The following PARVG variants were observed in gnomAD, a reference collection of about 807,000 sequenced individuals.
PARVG encodes the protein gamma-parvin.
In PARVG, 36 loss-of-function variants were observed where a neutral mutation model predicts 44.4. The ratio of observed to expected loss-of-function variants is 0.81; its 90% CI spans 0.62 to 1.07. PARVG has a LOEUF of 1.07. PARVG is among the 50% of genes least tolerant of loss of function. PARVG has a pLI of 0.00. For missense variants in PARVG, 407 were observed against 407.4 expected, an observed-to-expected ratio of 1.00 and a Z score of 0.01; for synonymous variants, 170 against 174.1, an observed-to-expected ratio of 0.98 and a Z score of 0.19.
At chr22:44,181,657 G>C in intron 1 of PARVG, 85 bp from the exon 2 acceptor site, 1 of 959,862 alleles carries the variant, frequency 1.0e-6, no homozygotes, top group Non-Finnish European at 1.2e-6. Flanking sequence ...CGGCACGGCG[G>C]GCGCTGGGGC....
intron 12 of PARVG, among the ~76,000 whole-genome samples, chr22:44,204,120 C>G (rs1409634169): frequency 6.6e-6 from 1 of 152,204 alleles, no homozygotes; most frequent in East Asian, 1.9e-4. Context: ...GCTGGGATTA[C>G]AGGAATGAGC....
At chr22:44,193,593 G>A (rs1019491632) in intron 8 of PARVG, among the ~76,000 whole-genome samples, 2 of 152,204 alleles carry the variant, frequency 1.3e-5, no homozygotes, top group African/African-American at 4.8e-5. Flanking sequence ...GGAAGCCTCA[G>A]GGAAGGGCAT....
intron 4 of PARVG, 44 bp from the exon 5 acceptor site, chr22:44,187,732 A>G (rs1328272195): frequency 6.3e-7 from 1 of 1,586,090 alleles, no homozygotes; most frequent in Non-Finnish European, 8.7e-7. Flanking sequence ...GGGCCAGGTG[A>G]GAAGTCTCCA....
rs1333684394 is a variant in PARVG at position 44,182,019 on chromosome 22, A to G, written c.-13+102A>G. On this transcript the variant is annotated intron_variant, in intron 2 of 13. Coordinates refer to ENST00000444313, the MANE Select transcript of PARVG (RefSeq NM_022141.7). This position sits in a 1 kb window ranked among gnomAD's most constrained non-coding sequence, Gnocchi z 4.6. The stretch of plus-strand genomic sequence containing the variant: ...GGATCCCAGAGTGCAGTCCCAGCCC[A>G]GGCCACCCGGGGAAGGGAGTCGGTA... 1.1e-5 allele frequency: 10 copies of G among 929,730 alleles called. No homozygotes were observed. The highest frequency in any genetic ancestry group is 1.8e-5 in the African/African-American group (1 of 56,006). The allele number at this position is 929,730 out of a possible 1,614,324, so 57.6% of individuals were successfully genotyped here. A position where few individuals can be genotyped will look rare whatever the true frequency, so the allele number is the denominator to read the frequency against.
upstream of PARVG, among the ~76,000 whole-genome samples, chr22:44,177,208 A>G (rs920574789): frequency 5.9e-5 from 9 of 152,190 alleles, no homozygotes; most frequent in Non-Finnish European, 7.3e-5. Context: ...ATTTCTTTAG[A>G]CGCACACATT....
chr22:44,188,022 T>G (rs2054498500), intron 5 of PARVG, 144 bp downstream of exon 5: 3 of 839,582 alleles, frequency 3.6e-6, no homozygotes, highest in African/African-American at 3.4e-5. Context: ...TAGATGGGCC[T>G]GGGCTGGGGA....
At chr22:44,183,080 T>G (rs2054407712) in intron 2 of PARVG, 1 of 512,900 alleles carries the variant, frequency 1.9e-6, no homozygotes, top group Admixed American at 4.0e-5. Context: ...GCCAAGCCTT[T>G]GCTTGGCTGT....
chr22:44,204,222 A>T (rs1011634858), intron 12 of PARVG, among the ~76,000 whole-genome samples: 2 of 151,954 alleles, frequency 1.3e-5, no homozygotes, highest in Non-Finnish European at 1.5e-5. Context: ...ACTCCTTTCC[A>T]TCTGGGACCC....
rs2054396347 is a variant in PARVG at position 44,182,424 on chromosome 22, G to A, written c.-13+507G>A. ...TATTAAGGGGCTGGGAGTCAGTTGTGTCCCCACCACCTCCATGCTACAGGG... is the reference window on the plus strand; with the variant it reads ...TATTAAGGGGCTGGGAGTCAGTTGTATCCCCACCACCTCCATGCTACAGGG... On this transcript the variant is annotated intron_variant, in intron 2 of 13. Transcript: ENST00000444313. This position sits in a 1 kb window ranked among gnomAD's most constrained non-coding sequence, Gnocchi z 4.6. Among the ~76,000 whole-genome samples the A allele has an allele frequency of 6.6e-6, 1 of 152,084 alleles. No homozygotes were observed. The highest frequency in any genetic ancestry group is 2.4e-5 in the African/African-American group (1 of 41,414).
rs1377053001 is a variant in PARVG, at chr22:44,182,767, TG to T, written c.-12-549del. On this transcript the variant is annotated intron_variant, in intron 2 of 13. Coordinates refer to ENST00000444313, the MANE Select transcript of PARVG (RefSeq NM_022141.7). The surrounding 1 kb of genome is among the most constrained non-coding windows in gnomAD (Gnocchi z 4.6). ...TGGGTCTGCCCCTGTCCCGGGCATG[TG>T]GTGAGCCCAGCCTTCTGCCTGTAAT... is the stretch of plus-strand genomic sequence containing the variant. Among the ~76,000 whole-genome samples the T allele has an allele frequency of 6.6e-6, 1 of 152,138 alleles. No homozygotes were observed. The highest frequency in any genetic ancestry group is 2.4e-5 in the African/African-American group (1 of 41,458).
chr22:44,190,666 G>A lies in PARVG; in HGVS notation c.504G>A (p.Glu168=), dbSNP rs2054535947. The A allele has an allele frequency of 1.2e-6, 2 of 1,607,236 alleles. No individual in the cohort carries two copies. Among genetic ancestry groups the A allele is most frequent in the East Asian group, 4.5e-5 (2 of 44,854 alleles). The change falls in exon 7 of 14, where the codon GAG becomes GAA. Residue 168 remains glutamate, a splice_region_variant and synonymous_variant. Coordinates refer to ENST00000444313, the MANE Select transcript of PARVG (RefSeq NM_022141.7). The part of the protein sequence containing the change: ...TNVQVEVITI[E]STKSGLKSEK... ...TCCAGGTGGAGGTCATCACTATCGAGGTAGCAGCCTGGGCCCCAGGGATTT... is the reference window on the plus strand; with the variant it reads ...TCCAGGTGGAGGTCATCACTATCGAAGTAGCAGCCTGGGCCCCAGGGATTT...
intron 12 of PARVG, among the ~76,000 whole-genome samples, chr22:44,200,344 T>C (rs2054690082): frequency 6.6e-6 from 1 of 152,222 alleles, no homozygotes; most frequent in African/African-American, 2.4e-5. Flanking sequence ...GCTCCCTGCC[T>C]GCCTGGACCT....
intron 12 of PARVG, among the ~76,000 whole-genome samples, chr22:44,205,173 C>T (rs928465232): frequency 2.6e-5 from 4 of 152,210 alleles, no homozygotes; most frequent in Non-Finnish European, 4.4e-5. Flanking sequence ...GGGTGGGGAC[C>T]GCTCCAGTCT....
intron 8 of PARVG, among the ~76,000 whole-genome samples, chr22:44,193,425 T>G (rs2054576319): frequency 6.6e-6 from 1 of 152,008 alleles, no homozygotes; most frequent in Non-Finnish European, 1.5e-5. Flanking sequence ...GCTGGGAGGT[T>G]CTGCAGCATG....
At chr22:44,199,984 A>G (rs1333832169) in intron 12 of PARVG, among the ~76,000 whole-genome samples, 1 of 152,086 alleles carries the variant, frequency 6.6e-6, no homozygotes, top group East Asian at 1.9e-4. Context: ...AAGAGGGATG[A>G]AGAGAGTGAT....
chr22:44,183,645 T>C (rs2147219233), intron 3 of PARVG: 1 of 482,786 alleles, frequency 2.1e-6, no homozygotes. Context: ...TGGTGAATAC[T>C]GATTGCTCTC....
chr22:44,197,517 C>T (rs572882442), intron 11 of PARVG, among the ~76,000 whole-genome samples: 12 of 152,158 alleles, frequency 7.9e-5, no homozygotes, highest in African/African-American at 2.7e-4. Flanking sequence ...ATGGTGGCCA[C>T]GTGAGAAGTT....
Position 44,207,282 on chromosome 22 carries a change from G to A in PARVG, c.*856G>A, listed in dbSNP as rs1486970546. 4 of 87,614 alleles carry A rather than the reference G, an allele frequency of 4.6e-5. No homozygotes were observed. Among genetic ancestry groups the A allele is most frequent in the African/African-American group, 1.9e-4 (4 of 21,084 alleles). 5.4% of individuals were successfully genotyped at this position (87,614 alleles called of 1,614,324 possible). A position where few individuals can be genotyped will look rare whatever the true frequency, so the allele number is the denominator to read the frequency against. On this transcript the variant is annotated 3_prime_UTR_variant, in exon 14 of 14. Transcript: ENST00000444313. Reference sequence around the variant, plus strand: ...GGGCTGGGGCTGGCCGGGAGGGGTGGGACTGATGGGGAGGGGTGAGGCTGG... The same window carrying A: ...GGGCTGGGGCTGGCCGGGAGGGGTGAGACTGATGGGGAGGGGTGAGGCTGG...
intron 4 of PARVG, 108 bp downstream of exon 4, chr22:44,185,980 C>A: frequency 9.0e-7 from 1 of 1,112,028 alleles, no homozygotes; most frequent in South Asian, 1.4e-5. Flanking sequence ...TGGCCTCAGG[C>A]TGGGGGGTGG....
Sources: allele counts gnomAD v4.1 joint callset (sites outside exome capture counted in the v4.1 genomes callset), GRCh38; gene constraint gnomAD v4.1.1; non-coding constraint Gnocchi (gnomAD v3.1); transcripts MANE v1.5; gene names NCBI Gene and HGNC (gene_info 2026-07-23, HGNC 2026-07-21).